Variants in PHYHIPL observed in about 807,000 individuals in gnomAD.
PHYHIPL encodes the protein phytanoyl-CoA 2-hydroxylase interacting protein like.
In PHYHIPL, 9 loss-of-function variants were observed where a neutral mutation model predicts 33.4. The observed-to-expected ratio is 0.27, with a 90% CI of 0.16 to 0.47. The LOEUF is 0.47. Among genes scored for constraint, PHYHIPL ranks in the 20% least tolerant of loss-of-function variants. PHYHIPL has a pLI of 0.99. For synonymous variants in PHYHIPL, 153 were observed against 154.1 expected, an observed-to-expected ratio of 0.99 and a Z score of 0.05; for missense variants, 365 against 460.7, an observed-to-expected ratio of 0.79 and a Z score of 1.90.
chr10:59,198,507 C>T (rs1470144265), intron 1 of PHYHIPL, among the ~76,000 whole-genome samples: 1 of 152,010 alleles, frequency 6.6e-6, no homozygotes, highest in Non-Finnish European at 1.5e-5. Context: ...TAGTGCCGCA[C>T]TGAACATACA....
At position 59,234,297 on chromosome 10, in the gene PHYHIPL, C is replaced by T. The variant is rs748397682; in HGVS notation, c.107-7C>T. On this transcript the variant is annotated splice_region_variant and splice_polypyrimidine_tract_variant and intron_variant, in intron 1 of 4. Coordinates refer to ENST00000373880, the MANE Select transcript of PHYHIPL (RefSeq NM_032439.4). ...AAATTAACTTCCTGTGCATTGTTTT[C>T]TTGCAGGGAACAAATCACAAGACAG... 2.0e-5 allele frequency: 31 copies of T among 1,546,892 alleles called. No individual in the cohort carries two copies. The highest frequency in any genetic ancestry group is 2.4e-5 in the Non-Finnish European group (28 of 1,157,242).
At chr10:59,205,686 A>G (rs1404742811) in intron 1 of PHYHIPL, among the ~76,000 whole-genome samples, 1 of 152,148 alleles carries the variant, frequency 6.6e-6, no homozygotes, top group African/African-American at 2.4e-5. Context: ...AAAGCTTTTC[A>G]GTAGTATGTG....
intron 1 of PHYHIPL, among the ~76,000 whole-genome samples, chr10:59,205,479 T>G (rs1018491424): frequency 6.6e-6 from 1 of 152,254 alleles, no homozygotes; most frequent in Non-Finnish European, 1.5e-5. Flanking sequence ...AAGTTCTTAA[T>G]GTAGTCACCT....
chr10:59,223,633 G>T (rs538092861), intron 1 of PHYHIPL, among the ~76,000 whole-genome samples: 1 of 151,980 alleles, frequency 6.6e-6, no homozygotes, highest in East Asian at 1.9e-4. Flanking sequence ...AAAAATAACT[G>T]AGTTCAATGA....
intron 3 of PHYHIPL, among the ~76,000 whole-genome samples, chr10:59,237,624 C>A (rs915454618): frequency 2.6e-5 from 4 of 151,808 alleles, no homozygotes; most frequent in African/African-American, 7.2e-5. Context: ...ATCTGAACAT[C>A]GAATTCATTC....
upstream of PHYHIPL, among the ~76,000 whole-genome samples, chr10:59,176,269 C>A (rs1431780790): frequency 6.6e-6 from 1 of 152,202 alleles, no homozygotes; most frequent in Non-Finnish European, 1.5e-5. Flanking sequence ...CATGCTCGCC[C>A]TCGCCTCCCC....
chr10:59,176,760 G>C lies in PHYHIPL; in HGVS notation c.-94G>C. The C allele has an allele frequency of 8.6e-7, 1 of 1,162,004 alleles. No homozygotes were observed. Among genetic ancestry groups the C allele is most frequent in the Middle Eastern group, 2.5e-4 (1 of 3,966 alleles). 72.0% of individuals were successfully genotyped at this position (1,162,004 alleles called of 1,614,324 possible). The stretch of plus-strand genomic sequence containing the variant: ...GTCCCAGGCCTCCTTCCCTCCCTCT[G>C]CCACTCCCCCTCCCTTTCCCGCTCT... On this transcript the variant is annotated 5_prime_UTR_variant, in exon 1 of 5. Coordinates refer to ENST00000373880, the MANE Select transcript of PHYHIPL (RefSeq NM_032439.4).
intron 1 of PHYHIPL, among the ~76,000 whole-genome samples, chr10:59,208,826 A>G (rs1239919139): frequency 6.6e-6 from 1 of 152,066 alleles, no homozygotes; most frequent in Non-Finnish European, 1.5e-5. Flanking sequence ...AAAAGATATC[A>G]GAGATTGAAG....
Position 59,245,730 on chromosome 10 carries a change from C to G in PHYHIPL, c.*139C>G. 1 of 925,664 alleles carries G rather than the reference C, an allele frequency of 1.1e-6. No individual in the cohort carries two copies. The highest frequency in any genetic ancestry group is 1.6e-6 in the Non-Finnish European group (1 of 633,658). 57.3% of individuals were successfully genotyped at this position (925,664 alleles called of 1,614,324 possible). On this transcript the variant is annotated 3_prime_UTR_variant, in exon 5 of 5. Transcript: ENST00000373880. ...CACCAAAACAAACAACTACCACTTTCCAAATTTCATTCAGAACCATTTTAG... is the reference window on the plus strand; with the variant it reads ...CACCAAAACAAACAACTACCACTTTGCAAATTTCATTCAGAACCATTTTAG...
chr10:59,238,851 A>G (rs1395326777), intron 4 of PHYHIPL, 146 bp downstream of exon 4: 1 of 542,850 alleles, frequency 1.8e-6, no homozygotes, highest in Non-Finnish European at 3.2e-6. Context: ...TTCCAGAAAA[A>G]TTAAGTAGAA....
At chr10:59,203,284 T>A (rs1293385300) in intron 1 of PHYHIPL, among the ~76,000 whole-genome samples, 1 of 152,138 alleles carries the variant, frequency 6.6e-6, no homozygotes. Flanking sequence ...CTGGAGAGGA[T>A]GTGGAGAAAT....
intron 1 of PHYHIPL, among the ~76,000 whole-genome samples, chr10:59,186,801 G>A (rs528043132): frequency 6.6e-6 from 1 of 152,236 alleles, no homozygotes; most frequent in South Asian, 2.1e-4. Flanking sequence ...TGTGATTTTT[G>A]TACATTGATT....
chr10:59,180,416 A>G (rs1193016647), intron 1 of PHYHIPL, among the ~76,000 whole-genome samples: 1 of 147,152 alleles, frequency 6.8e-6, no homozygotes, highest in Non-Finnish European at 1.5e-5. Flanking sequence ...CCTTACATGT[A>G]TCTAAGCTGC....
At chr10:59,221,805 G>C (rs781491096) in intron 1 of PHYHIPL, 70 of 555,568 alleles carry the variant, frequency 1.3e-4, no homozygotes, top group Non-Finnish European at 1.6e-4. Context: ...TCAGATATTA[G>C]TGTCTTGGGC....
At chr10:59,192,301 A>G (rs1009600775) in intron 1 of PHYHIPL, among the ~76,000 whole-genome samples, 1 of 152,152 alleles carries the variant, frequency 6.6e-6, no homozygotes, top group Non-Finnish European at 1.5e-5. Context: ...ATTAAAAAAT[A>G]TTTAAGTCAT....
intron 1 of PHYHIPL, among the ~76,000 whole-genome samples, chr10:59,205,505 C>T (rs1046936342): frequency 6.6e-6 from 1 of 152,150 alleles, no homozygotes; most frequent in Non-Finnish European, 1.5e-5. Context: ...GTGAACTCAT[C>T]ATGTAAAGCA....
chr10:59,194,334 A>G lies in PHYHIPL; in HGVS notation c.106+17375A>G, dbSNP rs1310875278. Among the ~76,000 whole-genome samples the G allele has an allele frequency of 3.3e-5, 5 of 152,200 alleles. No individual in the cohort carries two copies. In the East Asian group the frequency reaches 9.7e-4, roughly 29 times the overall value. On this transcript the variant is annotated intron_variant, in intron 1 of 4. Transcript: ENST00000373880. ...TGTTTTCCTTTGCTACCCTCATAAT[A>G]GTTTCAAGAATGTTTTCCAATTTCT... is the stretch of plus-strand genomic sequence containing the variant.
At chr10:59,207,755 G>T (rs140893136) in intron 1 of PHYHIPL, among the ~76,000 whole-genome samples, 10 of 152,096 alleles carry the variant, frequency 6.6e-5, no homozygotes, top group Non-Finnish European at 2.9e-5. Flanking sequence ...GCTGGGCGTG[G>T]TGGTGGGCGC....
intron 1 of PHYHIPL, among the ~76,000 whole-genome samples, chr10:59,195,132 A>C (rs1243423946): frequency 6.6e-6 from 1 of 152,208 alleles, no homozygotes; most frequent in Non-Finnish European, 1.5e-5. Flanking sequence ...TTAATTATGT[A>C]ATTTAAGGTA....
Sources: allele counts gnomAD v4.1 joint callset (sites outside exome capture counted in the v4.1 genomes callset), GRCh38; gene constraint gnomAD v4.1.1; transcripts MANE v1.5; gene names NCBI Gene and HGNC (gene_info 2026-07-23, HGNC 2026-07-21).